ZCCHC17: variants seen among roughly 807,000 people sequenced by gnomAD.
ZCCHC17 encodes the protein zinc finger CCHC domain-containing protein 17.
In ZCCHC17, 18 loss-of-function variants were observed where a neutral mutation model predicts 30.6. The ratio of observed to expected loss-of-function variants is 0.59; its 90% CI spans 0.41 to 0.87. The LOEUF is 0.87. ZCCHC17 is among the 40% of genes least tolerant of loss of function. The pLI, the probability that ZCCHC17 is intolerant of heterozygous loss-of-function variation, is 0.00. For synonymous variants in ZCCHC17, 88 were observed against 92.4 expected, an observed-to-expected ratio of 0.95 and a Z score of 0.27; for missense variants, 263 against 284.2, an observed-to-expected ratio of 0.93 and a Z score of 0.54.
rs745943742 is a variant in ZCCHC17 at position 31,337,169 on chromosome 1, G to T, written c.125-6G>T. On this transcript the variant is annotated splice_polypyrimidine_tract_variant and splice_region_variant and intron_variant, in intron 3 of 7. Transcript: ENST00000344147. ...GCTTTACGTTATTTCTTCTTCTTGT[G>T]CCCAGGTCTGGTCCATCGAACTCAT... 24 of 1,612,596 alleles carry T rather than the reference G, an allele frequency of 1.5e-5. No individual in the cohort carries two copies. In the South Asian group the frequency reaches 2.3e-4, roughly 16 times the overall value.
chr1:31,300,649 G>T (rs10914347), intron 1 of ZCCHC17, among the ~76,000 whole-genome samples: 32,195 of 151,888 alleles, frequency 0.21, 3,748 homozygotes, highest in African/African-American at 0.3. Context: ...GAAAAGGGTG[G>T]TTTAGGCCGG....
At chr1:31,314,346 C>A (rs1468690119) in intron 2 of ZCCHC17, among the ~76,000 whole-genome samples, 1 of 148,060 alleles carries the variant, frequency 6.8e-6, no homozygotes, top group Non-Finnish European at 1.5e-5. Context: ...AAGAGAAATA[C>A]GATAAATTGG....
chr1:31,340,315 GTT>G (rs71028757), intron 5 of ZCCHC17, among the ~76,000 whole-genome samples: 1,488 of 95,068 alleles, frequency 0.016, 27 homozygotes, highest in African/African-American at 0.053. Flanking sequence ...ATCTTGGAGG[GTT>G]TTTTTTTTTT....
At chr1:31,319,736 A>G (rs1050257077) in intron 3 of ZCCHC17, among the ~76,000 whole-genome samples, 1 of 152,184 alleles carries the variant, frequency 6.6e-6, no homozygotes, top group African/African-American at 2.4e-5. Context: ...AGGTAGTGGC[A>G]TAGCCAAGAC....
chr1:31,320,387 CAG>C (rs2148429128), intron 3 of ZCCHC17, among the ~76,000 whole-genome samples: 1 of 152,274 alleles, frequency 6.6e-6, no homozygotes, highest in South Asian at 2.1e-4. Context: ...TTGGTATATT[CAG>C]AGTTTTGTGA....
chr1:31,325,678 G>A (rs555749931), intron 3 of ZCCHC17, among the ~76,000 whole-genome samples: 147 of 152,344 alleles, frequency 9.6e-4, no homozygotes, highest in Admixed American at 3.9e-3. Flanking sequence ...ACGGCAGCAT[G>A]AGCCAAGCGC....
chr1:31,304,913 G>A (rs759331111), intron 1 of ZCCHC17, among the ~76,000 whole-genome samples: 8 of 152,110 alleles, frequency 5.3e-5, no homozygotes, highest in Non-Finnish European at 1.0e-4. Context: ...TTTAAAAGTA[G>A]CAGAACTCTT....
chr1:31,329,126 GCTTA>G (rs1293600220), intron 3 of ZCCHC17, among the ~76,000 whole-genome samples: 1 of 152,110 alleles, frequency 6.6e-6, no homozygotes, highest in Non-Finnish European at 1.5e-5. Context: ...ATCAAAAGGG[GCTTA>G]CTATGAATAA....
chr1:31,318,367 C>A, intron 2 of ZCCHC17: 1 of 709,146 alleles, frequency 1.4e-6, no homozygotes. Flanking sequence ...GAGCTAGAGC[C>A]TAGGTTAATG....
chr1:31,318,080 A>G, intron 2 of ZCCHC17: 1 of 1,025,920 alleles, frequency 9.7e-7, no homozygotes, highest in Non-Finnish European at 1.4e-6. Flanking sequence ...AGCATTTTGA[A>G]TATTATTTTG....
At chr1:31,304,436 A>C (rs1026216109) in intron 1 of ZCCHC17, among the ~76,000 whole-genome samples, 1 of 149,166 alleles carries the variant, frequency 6.7e-6, no homozygotes, top group African/African-American at 2.5e-5. Flanking sequence ...GGTGCCCACC[A>C]CAATGCCCAG....
At chr1:31,310,372 C>T (rs543259874) in intron 2 of ZCCHC17, among the ~76,000 whole-genome samples, 1 of 152,364 alleles carries the variant, frequency 6.6e-6, no homozygotes, top group East Asian at 1.9e-4. Flanking sequence ...GGAATACCAG[C>T]ATGTGTAATT....
chr1:31,339,043 C>T lies in ZCCHC17; in HGVS notation c.312C>T (p.Ile104=). ...AAGACCTTGATCCCAACAATGTTAT[C>T]ATTGAGTAAGTAAAAGGTTTGGAAA... ...TGKDLDPNNV[I]IEQEERRRRS... The change falls in exon 5 of 8, where the codon ATC becomes ATT. Residue 104 remains isoleucine (I), a synonymous_variant. Coordinates refer to ENST00000344147, the MANE Select transcript of ZCCHC17 (RefSeq NM_016505.4). 6.2e-7 allele frequency: 1 copy of T among 1,603,756 alleles called. No homozygotes were observed. Among genetic ancestry groups the T allele is most frequent in the Non-Finnish European group, 8.5e-7 (1 of 1,176,676 alleles).
intron 7 of ZCCHC17, among the ~76,000 whole-genome samples, chr1:31,362,542 G>GT (rs34343689): frequency 0.13 from 20,043 of 152,210 alleles, 1,461 homozygotes; most frequent in Non-Finnish European, 0.15. Flanking sequence ...GATGTGGTGG[G>GT]TATAGTTTTG....
chr1:31,321,530 A>G (rs2148430628), intron 3 of ZCCHC17, among the ~76,000 whole-genome samples: 1 of 152,322 alleles, frequency 6.6e-6, no homozygotes, highest in Non-Finnish European at 1.5e-5. Context: ...GCTAGAGTGC[A>G]ATGGTGCAAT....
In ZCCHC17 at chr1:31,310,178, T is replaced by A; in HGVS notation, c.66+14T>A. On this transcript the variant is annotated intron_variant, in intron 2 of 7. Coordinates refer to ENST00000344147, the MANE Select transcript of ZCCHC17 (RefSeq NM_016505.4). ...TTCCAAGGAGAGGTATATTCTTTTG[T>A]GCTTTGAAAACCCACCATTTATGTT... The A allele has an allele frequency of 6.2e-7, 1 of 1,613,732 alleles. No homozygotes were observed. The highest frequency in any genetic ancestry group is 8.5e-7 in the Non-Finnish European group (1 of 1,179,862).
chr1:31,299,722 C>G (rs1044441687), intron 1 of ZCCHC17, among the ~76,000 whole-genome samples: 2 of 152,204 alleles, frequency 1.3e-5, no homozygotes, highest in African/African-American at 4.8e-5. Flanking sequence ...TCTTTTATTG[C>G]AATACATCCC....
intron 1 of ZCCHC17, among the ~76,000 whole-genome samples, chr1:31,304,614 T>TA (rs1264328260): frequency 6.6e-6 from 1 of 151,510 alleles, no homozygotes; most frequent in Admixed American, 6.6e-5. Flanking sequence ...TTTTTTTTTT[T>TA]AGACGGACTC....
chr1:31,304,503 C>T (rs1248971854), intron 1 of ZCCHC17, among the ~76,000 whole-genome samples: 3 of 151,506 alleles, frequency 2.0e-5, no homozygotes, highest in Non-Finnish European at 4.4e-5. Flanking sequence ...AGGCTATTCT[C>T]GAACTCCTGG....
Sources: allele counts gnomAD v4.1 joint callset (sites outside exome capture counted in the v4.1 genomes callset), GRCh38; gene constraint gnomAD v4.1.1; transcripts MANE v1.5; gene names NCBI Gene and HGNC (gene_info 2026-07-23, HGNC 2026-07-21).